MYO1D: variants seen among roughly 807,000 people sequenced by gnomAD.
MYO1D encodes myosin ID, also known as unconventional myosin-Id.
A neutral mutation model predicts 122.0 loss-of-function variants in MYO1D; 83 were observed. The ratio of observed to expected loss-of-function variants is 0.68; its 90% confidence interval spans 0.57 to 0.82. The LOEUF is 0.82. MYO1D is among the 40% of genes least tolerant of loss of function. The pLI, the probability that MYO1D is intolerant of heterozygous loss-of-function variation, is 0.00. For synonymous variants in MYO1D, 464 were observed against 446.9 expected (o/e 1.04, Z -0.48); for missense variants, 1,157 against 1,269.5 (o/e 0.91, Z 1.35).
chr17:32,494,897 T>C lies in MYO1D; in HGVS notation c.2883A>G (p.Gln961=). 6.2e-7 allele frequency: 1 copy of C among 1,603,088 alleles called. No individual in the cohort carries two copies. The highest frequency in any genetic ancestry group is 8.5e-7 in the Non-Finnish European group (1 of 1,172,720). Reference sequence around the variant, plus strand: ...ACTGTACTGGGTTGGTGACGTTCACTTGAAGGTGGCGCTTCTCACTGCAGG... The same window carrying C: ...ACTGTACTGGGTTGGTGACGTTCACCTGAAGGTGGCGCTTCTCACTGCAGG... ...NHFKSEKRHL[Q]VNVTNPVQCS... Residue 961 remains glutamine (Q), a synonymous_variant, in exon 22 of 22, where the codon CAA becomes CAG. Coordinates refer to ENST00000318217, the MANE Select transcript of MYO1D (RefSeq NM_015194.3).
intron 1 of MYO1D, chr17:32,830,306 T>C (rs534061259): frequency 6.6e-6 from 1 of 152,336 alleles, no homozygotes; most frequent in African/African-American, 2.4e-5. Context: ...TCAACTGAGA[T>C]AACTCACTAC....
chr17:32,863,328 C>T (rs141312593), intron 1 of MYO1D, among the ~76,000 whole-genome samples: 4 of 152,212 alleles, frequency 2.6e-5, no homozygotes, highest in Non-Finnish European at 5.9e-5. Context: ...ATAAAAAATA[C>T]CTCTCAGCAG....
chr17:32,760,605 C>T lies in MYO1D; in HGVS notation c.1058G>A (p.Cys353Tyr). 1 of 1,607,798 alleles carries T rather than the reference C, an allele frequency of 6.2e-7. No homozygotes were observed. Residue 353 changes from cysteine to tyrosine, a missense_variant, in exon 9 of 22, where the codon TGT (cysteine) becomes TAT (tyrosine). By Grantham distance (194) the Cys-to-Tyr change is radical. Coordinates refer to ENST00000318217, the MANE Select transcript of MYO1D (RefSeq NM_015194.3). The part of the protein sequence containing the change: ...FAKAIYERLF[C>Y]WIVTRINDII... ...ATCATTGATGCGAGTAACGATCCAA[C>T]AAAAAAGGCGCTCATATATTGCCTG...
chr17:32,775,012 C>T (rs1040341883), intron 4 of MYO1D, among the ~76,000 whole-genome samples: 3 of 152,110 alleles, frequency 2.0e-5, no homozygotes, highest in African/African-American at 4.8e-5. Context: ...TTAGTTAAGA[C>T]ACAACCAGCT....
chr17:32,631,208 T>C (rs1200029185), intron 20 of MYO1D, among the ~76,000 whole-genome samples: 4 of 152,172 alleles, frequency 2.6e-5, no homozygotes, highest in African/African-American at 9.7e-5. Flanking sequence ...GGTAGGGGTA[T>C]ATGTGAGTGG....
intron 11 of MYO1D, among the ~76,000 whole-genome samples, chr17:32,749,473 G>GT (rs2089876174): frequency 6.6e-6 from 1 of 152,226 alleles, no homozygotes; most frequent in Admixed American, 6.5e-5. Flanking sequence ...GCTCAGGCCT[G>GT]TAATCCCAGC....
At chr17:32,784,494 T>C (rs912381228) in intron 1 of MYO1D, among the ~76,000 whole-genome samples, 6 of 152,038 alleles carry the variant, frequency 3.9e-5, no homozygotes, top group African/African-American at 1.4e-4. Flanking sequence ...CATAAATTAA[T>C]AGCAATTGAT....
rs1598046822 is a variant in MYO1D, at chr17:32,730,412, C to T, written c.1746+7841G>A. On this transcript the variant is annotated intron_variant, in intron 14 of 21. Transcript: ENST00000318217. ...CATTTACATGCATCTACGTATTTAC[C>T]AATTCTTTGCTCTTCTTTTCTTTTC... Among the ~76,000 whole-genome samples the T allele has an allele frequency of 2.6e-5, 4 of 152,120 alleles. No individual in the cohort carries two copies. The South Asian group carries it at 8.3e-4, about 32-fold the overall frequency.
chr17:32,568,780 C>T (rs887850816), intron 21 of MYO1D, among the ~76,000 whole-genome samples: 5 of 152,248 alleles, frequency 3.3e-5, no homozygotes, highest in African/African-American at 1.2e-4. Context: ...TGTCCCAGAC[C>T]TCAGCCCTTC....
At chr17:32,560,658 C>A in intron 21 of MYO1D, among the ~76,000 whole-genome samples, 1 of 147,838 alleles carries the variant, frequency 6.8e-6, no homozygotes, top group East Asian at 2.0e-4. Context: ...CTTGCTCTGT[C>A]ACCCAGCCTG....
chr17:32,736,620 G>T (rs1053936938), intron 14 of MYO1D, among the ~76,000 whole-genome samples: 1 of 152,222 alleles, frequency 6.6e-6, no homozygotes, highest in Admixed American at 6.5e-5. Flanking sequence ...ATTAGAAGGT[G>T]AATGCAATTC....
intron 21 of MYO1D, among the ~76,000 whole-genome samples, chr17:32,600,759 G>C (rs1404763839): frequency 6.6e-6 from 1 of 152,240 alleles, no homozygotes; most frequent in Non-Finnish European, 1.5e-5. Context: ...AACTTTCTCC[G>C]TATCAGCAAT....
intron 7 of MYO1D, among the ~76,000 whole-genome samples, chr17:32,766,653 G>C (rs1436417828): frequency 6.6e-6 from 1 of 152,074 alleles, no homozygotes; most frequent in South Asian, 2.1e-4. Context: ...TTAGCCAGGC[G>C]TGGTGGCAGG....
At chr17:32,726,531 GAATA>G (rs942162580) in intron 14 of MYO1D, among the ~76,000 whole-genome samples, 7 of 149,906 alleles carry the variant, frequency 4.7e-5, no homozygotes, top group Admixed American at 1.3e-4. Context: ...ATAAACAAGT[GAATA>G]AATAGATATA....
chr17:32,644,288 A>G (rs1697921954), intron 19 of MYO1D, among the ~76,000 whole-genome samples: 1 of 152,148 alleles, frequency 6.6e-6, no homozygotes, highest in Non-Finnish European at 1.5e-5. Context: ...ACAGTTTGTT[A>G]TAATTTCTGT....
chr17:32,619,365 A>G (rs1017069722), intron 20 of MYO1D, among the ~76,000 whole-genome samples: 2 of 152,232 alleles, frequency 1.3e-5, no homozygotes, highest in African/African-American at 4.8e-5. Flanking sequence ...ACAAATGGCC[A>G]AGAAGGCGCT....
intron 21 of MYO1D, among the ~76,000 whole-genome samples, chr17:32,541,812 A>T (rs1159630466): frequency 6.6e-6 from 1 of 151,924 alleles, no homozygotes; most frequent in Admixed American, 6.6e-5. Context: ...CCTCCTTTTC[A>T]TCCCTGTAAC....
intron 21 of MYO1D, among the ~76,000 whole-genome samples, chr17:32,516,236 G>T (rs1348193966): frequency 1.3e-5 from 2 of 152,130 alleles, no homozygotes; most frequent in Non-Finnish European, 2.9e-5. Flanking sequence ...CCCTTTTCCT[G>T]GGATGGGGCA....
intron 1 of MYO1D, among the ~76,000 whole-genome samples, chr17:32,825,548 C>T (rs1254267657): frequency 6.6e-6 from 1 of 152,192 alleles, no homozygotes; most frequent in Non-Finnish European, 1.5e-5. Context: ...CCACCTTCGC[C>T]TCTCAAATTG....
Sources: allele counts gnomAD v4.1 joint callset (sites outside exome capture counted in the v4.1 genomes callset), GRCh38; gene constraint gnomAD v4.1.1; transcripts MANE v1.5; gene names NCBI Gene and HGNC (gene_info 2026-07-23, HGNC 2026-07-21).